TMIGD2: variants seen among roughly 807,000 people sequenced by gnomAD.
TMIGD2 encodes the protein transmembrane and immunoglobulin domain containing 2, also known as transmembrane and immunoglobulin domain-containing protein 2.
In TMIGD2, 18 loss-of-function variants were observed where a neutral mutation model predicts 22.6. That is an observed-to-expected ratio of 0.80 (90% CI 0.55 to 1.18). The LOEUF is 1.18. Among genes scored for constraint, TMIGD2 ranks in the 50% most tolerant of loss-of-function variants. The probability of loss-of-function intolerance (pLI) is 0.00; values close to 1 mark genes in which losing one functional copy is unlikely to be tolerated. For synonymous variants in TMIGD2, 184 were observed against 154.1 expected (o/e 1.19, Z -1.44); for missense variants, 361 against 378.2 (o/e 0.95, Z 0.38).
At chr19:4,296,347 C>T (rs1393095758) in intron 2 of TMIGD2, among the ~76,000 whole-genome samples, 7 of 152,204 alleles carry the variant, frequency 4.6e-5, no homozygotes, top group Non-Finnish European at 1.0e-4. Context: ...GGTCACACAG[C>T]AAGTAAATGA....
exon 5 of TMIGD2, chr19:4,292,314 G>A: frequency 2.5e-6 from 1 of 408,158 alleles, no homozygotes; most frequent in Non-Finnish European, 4.4e-6. Context: ...CGGGGTCTCA[G>A]GATGGGGCTG....
chr19:4,298,388 C>T (rs59565871), intron 1 of TMIGD2, 43 bp from the exon 2 acceptor site: 6 of 1,510,186 alleles, frequency 4.0e-6, no homozygotes, highest in Non-Finnish European at 5.3e-6. Flanking sequence ...TGACTGTGCG[C>T]ATGTGAGGCT....
intron 1 of TMIGD2, among the ~76,000 whole-genome samples, chr19:4,302,093 G>A (rs1404164223): frequency 2.6e-5 from 4 of 152,276 alleles, no homozygotes; most frequent in South Asian, 2.1e-4. Flanking sequence ...AAGGCACTGC[G>A]GAGGGTGGAG....
chr19:4,301,389 C>G (rs1669040287), intron 1 of TMIGD2, among the ~76,000 whole-genome samples: 1 of 152,190 alleles, frequency 6.6e-6, no homozygotes, highest in Admixed American at 6.6e-5. Context: ...ACAAAAATGA[C>G]TGGGCACGGT....
At chr19:4,294,888 G>A in intron 2 of TMIGD2, 72 bp from the exon 3 acceptor site, 1 of 1,399,254 alleles carries the variant, frequency 7.1e-7, no homozygotes, top group Non-Finnish European at 9.5e-7. Context: ...TCACTTGGGG[G>A]GACCTAAGTG....
At chr19:4,299,130 A>T (rs1971502019) in intron 1 of TMIGD2, among the ~76,000 whole-genome samples, 1 of 151,966 alleles carries the variant, frequency 6.6e-6, no homozygotes, top group Non-Finnish European at 1.5e-5. Context: ...GGCCTCCTTG[A>T]GGTGGTGATT....
At chr19:4,292,967 T>TA in intron 4 of TMIGD2, 82 bp from the exon 5 acceptor site, 23 of 1,526,026 alleles carry the variant, frequency 1.5e-5, no homozygotes, top group Non-Finnish European at 2.0e-5. Flanking sequence ...TCTGTCTCTT[T>TA]TTTTTTTTTT....
chr19:4,294,015 G>A (rs1265198551), intron 4 of TMIGD2, among the ~76,000 whole-genome samples: 1 of 152,020 alleles, frequency 6.6e-6, no homozygotes, highest in African/African-American at 2.4e-5. Context: ...ACCCGCCTCA[G>A]CCTCCCAAAG....
intron 2 of TMIGD2, among the ~76,000 whole-genome samples, chr19:4,295,209 C>T (rs375692779): frequency 1.3e-3 from 191 of 141,962 alleles, no homozygotes; most frequent in African/African-American, 5.0e-3. Flanking sequence ...TGCAGTGAGC[C>T]GAGATCGTGT....
chr19:4,292,648 G>T, exon 5 of TMIGD2: 1 of 1,612,564 alleles, frequency 6.2e-7, no homozygotes, highest in Non-Finnish European at 8.5e-7. Flanking sequence ...CTGCTGGGTG[G>T]GGCTTGGTCT....
chr19:4,295,626 T>C (rs927994116), intron 2 of TMIGD2, among the ~76,000 whole-genome samples: 43 of 152,120 alleles, frequency 2.8e-4, no homozygotes, highest in African/African-American at 1.0e-3. Context: ...AACTGCCAAC[T>C]GGGATTTGTC....
chr19:4,302,344 G>C (rs1170484404), exon 1 of TMIGD2: 1 of 1,575,236 alleles, frequency 6.3e-7, no homozygotes, highest in East Asian at 2.3e-5. Context: ...ACTCACCCCA[G>C]ATCTGCACCA....
intron 1 of TMIGD2, among the ~76,000 whole-genome samples, chr19:4,301,721 T>C (rs1390537162): frequency 6.6e-6 from 1 of 151,924 alleles, no homozygotes; most frequent in East Asian, 1.9e-4. Flanking sequence ...AACAAAAAAG[T>C]GCAAGCGGCT....
chr19:4,297,863 A>G, intron 2 of TMIGD2, 123 bp downstream of exon 2: 1 of 1,351,404 alleles, frequency 7.4e-7, no homozygotes, highest in Non-Finnish European at 9.8e-7. Context: ...TCTCTTAAAA[A>G]AAAAAAAAAA....
rs558713453 is a variant in TMIGD2, at chr19:4,295,190, G to C, written c.407-374C>G. 3.3e-5 allele frequency among the ~76,000 whole-genome samples: 5 copies of C among 150,292 alleles called. No homozygotes were observed. The South Asian group carries it at 1.1e-3, about 32-fold the overall frequency. ...GCAGGAGAATCGCTTGAATCCAGGA[G>C]GGGGAGGTTGCAGTGAGCCGAGATC... On this transcript the variant is annotated intron_variant, in intron 2 of 4. Coordinates refer to ENST00000301272, the Ensembl canonical transcript of TMIGD2.
intron 3 of TMIGD2, 38 bp from the exon 4 acceptor site, chr19:4,294,718 G>A: frequency 6.4e-7 from 1 of 1,571,814 alleles, no homozygotes. Flanking sequence ...ATCAGGAGGG[G>A]AAGGGGTGGT....
intron 1 of TMIGD2, 127 bp from the exon 2 acceptor site, chr19:4,298,472 C>G: frequency 7.3e-7 from 1 of 1,374,758 alleles, no homozygotes; most frequent in South Asian, 1.5e-5. Context: ...TGCAGTGGCT[C>G]ACGCCTGTAG....
chr19:4,298,241 C>T (rs767103950), exon 2 of TMIGD2: 7 of 1,612,794 alleles, frequency 4.3e-6, no homozygotes, highest in Admixed American at 3.3e-5. Context: ...CGTTCCCAGG[C>T]TGTGGCCTGG....
At chr19:4,293,364 G>T (rs1392928370) in intron 4 of TMIGD2, among the ~76,000 whole-genome samples, 5 of 144,176 alleles carry the variant, frequency 3.5e-5, no homozygotes, top group Non-Finnish European at 7.5e-5. Flanking sequence ...AGGTTCAAGT[G>T]ATTCTCCTGC....
Sources: gnomAD v4.1 joint callset for allele counts (sites outside exome capture counted in the v4.1 genomes callset) on GRCh38, gnomAD v4.1.1 for gene constraint, MANE v1.5 for transcripts, NCBI Gene and HGNC (gene_info 2026-07-23, HGNC 2026-07-21) for gene names.